The following INF2 variants were observed in gnomAD, a reference collection of about 807,000 sequenced individuals.
INF2 encodes inverted formin 2.
A neutral mutation model predicts 123.5 loss-of-function variants in INF2; 43 were observed. The ratio of observed to expected loss-of-function variants is 0.35; its 90% CI spans 0.27 to 0.45. The LOEUF (loss-of-function observed/expected upper bound fraction) is 0.45, where lower values mean the gene tolerates loss of function less well. INF2 is among the 20% of genes least tolerant of loss of function. INF2 has a pLI of 1.00. For missense variants in INF2, 1,453 were observed against 1,682.7 expected, an observed-to-expected ratio of 0.86 and a Z score of 2.39; for synonymous variants, 851 against 745.0, an observed-to-expected ratio of 1.14 and a Z score of -2.32.
chr14:104,709,455 C>T, intron 11 of INF2, 72 bp downstream of exon 11: 6 of 1,366,274 alleles, frequency 4.4e-6, no homozygotes, highest in Non-Finnish European at 6.3e-6. Context: ...CCCGGGGGCT[C>T]CCAGCAGGGA....
chr14:104,714,267 C>T lies in INF2; in HGVS notation c.3105C>T (p.Gly1035=). ...CGCGCTGTCCCGCCTCTGAGCCCGG[C>T]CTTGATGCTACAACAGCCAGCGAGT... ...GSTRCPASEP[G]LDATTASESR... is the part of the protein sequence containing the mutation. Residue 1035 remains glycine (G), a synonymous_variant, in exon 21 of 23, where the codon GGC becomes GGT. Transcript: ENST00000392634. 1 of 1,594,506 alleles carries T rather than the reference C, an allele frequency of 6.3e-7. No individual in the cohort carries two copies. Among genetic ancestry groups the T allele is most frequent in the Non-Finnish European group, 8.5e-7 (1 of 1,172,114 alleles).
At chr14:104,711,975 A>C (rs959016770) in intron 16 of INF2, among the ~76,000 whole-genome samples, 4 of 152,166 alleles carry the variant, frequency 2.6e-5, no homozygotes, top group African/African-American at 9.7e-5. Context: ...CAGCCCCTTC[A>C]CAAGGTGGAC....
At chr14:104,714,993 G>A in intron 21 of INF2, 137 bp downstream of exon 21, 1 of 956,862 alleles carries the variant, frequency 1.0e-6, no homozygotes. Context: ...CGGGAGAGGA[G>A]GCGGCAGTGC....
intron 21 of INF2, 43 bp downstream of exon 21, chr14:104,714,899 G>T (rs761646412): frequency 2.7e-6 from 4 of 1,477,274 alleles, no homozygotes; most frequent in Non-Finnish European, 2.7e-6. Context: ...ACGCCAGGGC[G>T]CTGGCACCCA....
Position 104,709,807 on chromosome 14 carries a change from A to G in INF2, c.2138+102A>G, listed in dbSNP as rs183608033. The G allele has an allele frequency of 3.2e-4, 333 of 1,053,472 alleles. 1 individual carries two copies. In the East Asian group the frequency reaches 7.7e-3, roughly 24 times the overall value. 65.3% of individuals were successfully genotyped at this position (1,053,472 alleles called of 1,614,324 possible). ...CCAGGGAGGAGAAGAGGCTGTGCCA[A>G]TGGCTGCCCCGGGCTCCAGGAGCAG... On this transcript the variant is annotated intron_variant, in intron 12 of 22. Transcript: ENST00000392634.
At position 104,708,418 on chromosome 14, in the gene INF2, C is replaced by A; in HGVS notation, c.1736-18C>A. 6.2e-7 allele frequency: 1 copy of A among 1,610,398 alleles called. No individual in the cohort carries two copies. The highest frequency in any genetic ancestry group is 2.2e-5 in the East Asian group (1 of 44,856). ...CCGGGGCTGCGAGAGCCTCACTGGC[C>A]GTGTCCCCACCCGACAGAGCACAAC... On this transcript the variant is annotated intron_variant, in intron 8 of 22. Transcript: ENST00000392634.
At chr14:104,705,435 T>C (rs1402975314) in intron 5 of INF2, among the ~76,000 whole-genome samples, 1 of 148,478 alleles carries the variant, frequency 6.7e-6, no homozygotes, top group South Asian at 2.1e-4. Flanking sequence ...AAAACAGAAA[T>C]GGCCTCAGCA....
chr14:104,716,697 T>G (rs1048816392), intron 22 of INF2, among the ~76,000 whole-genome samples: 1 of 152,180 alleles, frequency 6.6e-6, no homozygotes, highest in Non-Finnish European at 1.5e-5. Flanking sequence ...TTTTTATTTT[T>G]TATTTTTTTT....
At chr14:104,711,057 A>C in intron 14 of INF2, 22 bp from the exon 15 acceptor site, 1 of 1,604,544 alleles carries the variant, frequency 6.2e-7, no homozygotes, top group East Asian at 2.3e-5. Context: ...GGCTGGTGAG[A>C]CTCACTCCCT....
chr14:104,713,596 C>T lies in INF2; in HGVS notation c.3030C>T (p.Ala1010=). The change falls in exon 20 of 23, where the codon GCC becomes GCT. Residue 1010 remains alanine, a synonymous_variant. Coordinates refer to ENST00000392634, the MANE Select transcript of INF2 (RefSeq NM_022489.4). The part of the protein sequence containing the change: ...SKAASMDPPR[A]TEPVATSNPA... ...CAGCCTCCATGGATCCCCCAAGAGC[C>T]ACAGAGCCTGGTAAGACCCTCTCCC... The T allele has an allele frequency of 6.2e-7, 1 of 1,612,556 alleles. No homozygotes were observed. Among genetic ancestry groups the T allele is most frequent in the Non-Finnish European group, 8.5e-7 (1 of 1,179,762 alleles).
In INF2 at chr14:104,701,391, G is replaced by T. The variant is rs529349803; in HGVS notation, c.26G>T (p.Arg9Leu). Residue 9 changes from arginine (R) to leucine (L), a missense_variant, in exon 2 of 23, where the codon CGC (arginine) becomes CTC (leucine). Around this residue, in one of 8 missense-constraint regions of INF2, gnomAD observed 43 missense variants for 44.7 expected, o/e 0.96. Coordinates refer to ENST00000392634, the MANE Select transcript of INF2 (RefSeq NM_022489.4). Reference protein sequence around the residue: MSVKEGAQRKWAALKEKLG... With the variant: MSVKEGAQLKWAALKEKLG... The stretch of plus-strand genomic sequence containing the variant: ...ATGTCGGTGAAGGAGGGCGCACAGC[G>T]CAAGTGGGCAGCGCTGAAGGAGAAG... 119 of 1,590,604 alleles carry T rather than the reference G, an allele frequency of 7.5e-5. 1 individual carries two copies. In the South Asian group the frequency reaches 1.3e-3, roughly 18 times the overall value.
Position 104,714,538 on chromosome 14 carries a change from A to T in INF2, c.3376A>T (p.Ser1126Cys). The T allele has an allele frequency of 6.2e-7, 1 of 1,612,756 alleles. No individual in the cohort carries two copies. The highest frequency in any genetic ancestry group is 8.5e-7 in the Non-Finnish European group (1 of 1,179,882). Residue 1126 changes from serine (S) to cysteine (C), a missense_variant, in exon 21 of 23, where the codon AGT becomes TGT. By Grantham distance (112) the Ser-to-Cys change is moderately radical. Around this residue, in one of 8 missense-constraint regions of INF2, gnomAD observed 344 missense variants for 333.1 expected, o/e 1.03. Coordinates refer to ENST00000392634, the MANE Select transcript of INF2 (RefSeq NM_022489.4). ...CAGCAACCAGCCCCCTGCAGCCGGA[A>T]GTTCAAGGCAAGATGCCAAGGATCC... is the stretch of plus-strand genomic sequence containing the variant. ...FSSNQPPAAG[S>C]SRQDAKDPTS...
chr14:104,716,852 G>A (rs950598202), intron 22 of INF2, among the ~76,000 whole-genome samples: 3 of 152,090 alleles, frequency 2.0e-5, no homozygotes, highest in Admixed American at 6.5e-5. Flanking sequence ...CACCACGCGC[G>A]GCTAATTTTT....
intron 18 of INF2, 66 bp downstream of exon 18, chr14:104,713,058 T>G: frequency 6.2e-7 from 1 of 1,608,522 alleles, no homozygotes; most frequent in Non-Finnish European, 8.5e-7. Flanking sequence ...CTGGCCTTCC[T>G]CCGGCAGGAT....
chr14:104,709,176 A>G (rs1889924231), intron 10 of INF2, 105 bp from the exon 11 acceptor site: 1 of 825,046 alleles, frequency 1.2e-6, no homozygotes, highest in African/African-American at 1.7e-5. Context: ...TGCCCTGGCC[A>G]CCCCATGACT....
At chr14:104,709,027 G>C (rs959943147) in intron 10 of INF2, among the ~76,000 whole-genome samples, 1 of 152,202 alleles carries the variant, frequency 6.6e-6, no homozygotes, top group African/African-American at 2.4e-5. Flanking sequence ...GTCCAGCACT[G>C]GCCCGAGGGA....
At position 104,701,594 on chromosome 14, in the gene INF2, C is replaced by T. The variant is rs1409863695; in HGVS notation, c.229C>T (p.Leu77=). ...CCTGGAGCAGAGCGGCCTGGACCTGCTGCTGGAGGCGCTGGCGCGGCTGTC... is the reference window on the plus strand; with the variant it reads ...CCTGGAGCAGAGCGGCCTGGACCTGTTGCTGGAGGCGCTGGCGCGGCTGTC... ...QFLEQSGLDL[L]LEALARLSGR... The change falls in exon 2 of 23, where the codon CTG becomes TTG. Residue 77 remains leucine (L), a synonymous_variant. Coordinates refer to ENST00000392634, the MANE Select transcript of INF2 (RefSeq NM_022489.4). 3 of 1,607,034 alleles carry T rather than the reference C, an allele frequency of 1.9e-6. No homozygotes were observed. Among genetic ancestry groups the T allele is most frequent in the Non-Finnish European group, 2.5e-6 (3 of 1,178,698 alleles).
At chr14:104,686,653 A>C (rs1888672488), upstream of INF2, among the ~76,000 whole-genome samples, 1 of 152,216 alleles carries the variant, frequency 6.6e-6, no homozygotes, top group Admixed American at 6.5e-5. Context: ...GAAAAAAGAT[A>C]AAAAGCATTC....
Position 104,706,125 on chromosome 14 carries a change from CG to C in INF2, c.796del (p.Val266SerfsTer3). The C allele has an allele frequency of 6.2e-7, 1 of 1,609,708 alleles. No homozygotes were observed. Among genetic ancestry groups the C allele is most frequent in the Admixed American group, 1.7e-5 (1 of 59,580 alleles). On this transcript the variant is annotated frameshift_variant, in exon 6 of 23. Coordinates refer to ENST00000392634, the MANE Select transcript of INF2 (RefSeq NM_022489.4). LOFTEE classifies it high-confidence loss of function. ...DEEELLRVSGGVDMSSHQEVF... is the reference protein window; with the variant it reads ...DEEELLRVSGXVDMSSHQEVF... Reference sequence around the variant, plus strand: ...AGGAGGAGCTGCTGCGAGTCTCTGGCGGGGTCGACATGAGCAGCCACCAGGA... The same window carrying C: ...AGGAGGAGCTGCTGCGAGTCTCTGGCGGGTCGACATGAGCAGCCACCAGGA...
Sources: gnomAD v4.1 joint callset for allele counts (sites outside exome capture counted in the v4.1 genomes callset) on GRCh38, gnomAD v4.1.1 for gene constraint, gnomAD v4.1.1 regional missense constraint, MANE v1.5 for transcripts, NCBI Gene and HGNC (gene_info 2026-07-23, HGNC 2026-07-21) for gene names.